The following SCGB2B2 variants were observed in gnomAD, a reference collection of about 807,000 sequenced individuals.
SCGB2B2 encodes secretoglobin family 2B member 2, also known as secretoglobin-like protein.
In SCGB2B2, 11 loss-of-function variants were observed where a neutral mutation model predicts 7.6. That is an observed-to-expected ratio of 1.45 (90% CI 0.91 to 2.40). SCGB2B2 has a LOEUF of 2.40. Ranked by LOEUF, SCGB2B2 falls within the 30% of genes most tolerant of loss-of-function variation. The pLI, the probability that SCGB2B2 is intolerant of heterozygous loss-of-function variation, is 0.00. For synonymous variants in SCGB2B2, 50 were observed against 48.6 expected (o/e 1.03, Z -0.12); for missense variants, 104 against 115.4 (o/e 0.90, Z 0.45).
chr19:34,637,833 TTGAC>T (rs1568437522), intron 1 of SCGB2B2: 3 of 152,180 alleles, frequency 2.0e-5, no homozygotes, highest in Non-Finnish European at 4.4e-5. Flanking sequence ...TATTTAAAAA[TTGAC>T]AGATGGATTT....
rs1600034180 is a variant in SCGB2B2, at chr19:34,595,669, T to C, written c.-1106A>G. 6.6e-6 allele frequency: 1 copy of C among 152,264 alleles called. No individual in the cohort carries two copies. The highest frequency in any genetic ancestry group is 1.5e-5 in the Non-Finnish European group (1 of 68,064). 9.4% of individuals were successfully genotyped at this position (152,264 alleles called of 1,614,324 possible). ...TGTGGCTTTCCACAACTTATTCCCG[T>C]ATTTTTATGGCCAGTTTATACAGGC... On this transcript the variant is annotated 5_prime_UTR_variant, in exon 2 of 4. The change creates a new upstream start codon in the 5' untranslated region. Coordinates refer to ENST00000601241, the MANE Select transcript of SCGB2B2 (RefSeq NM_001025591.4).
At chr19:34,645,187 A>G (rs538468046) in intron 1 of SCGB2B2, among the ~76,000 whole-genome samples, 75 of 152,290 alleles carry the variant, frequency 4.9e-4, no homozygotes, top group African/African-American at 1.7e-3. Flanking sequence ...CTCACTTAGC[A>G]AATGTTTGTT....
intron 1 of SCGB2B2, among the ~76,000 whole-genome samples, chr19:34,653,598 C>T (rs1042907523): frequency 1.3e-5 from 2 of 151,174 alleles, no homozygotes; most frequent in African/African-American, 4.9e-5. Flanking sequence ...AAGTTCAACA[C>T]ACATTAACAG....
chr19:34,631,106 G>A (rs2066518669), intron 1 of SCGB2B2, among the ~76,000 whole-genome samples: 2 of 118,858 alleles, frequency 1.7e-5, no homozygotes, highest in African/African-American at 6.4e-5. Context: ...ACACACCGGG[G>A]CCTGTTGTGG....
rs981790780 is a variant in SCGB2B2, at chr19:34,630,653, T to C, written c.-2031-34059A>G. ...GGATGTGGAGAAATAGGAACACTTT[T>C]ACACTGTTGGTGGGACTGTAAACTA... On this transcript the variant is annotated intron_variant, in intron 1 of 3. Coordinates refer to ENST00000601241, the MANE Select transcript of SCGB2B2 (RefSeq NM_001025591.4). 1.5e-3 allele frequency among the ~76,000 whole-genome samples: 231 copies of C among 149,658 alleles called. 6 individuals are homozygous for C. Among genetic ancestry groups the C allele is most frequent in the Non-Finnish European group, 2.7e-3 (176 of 66,376 alleles).
intron 1 of SCGB2B2, among the ~76,000 whole-genome samples, chr19:34,609,456 C>T (rs1304327971): frequency 6.6e-6 from 1 of 151,918 alleles, no homozygotes; most frequent in African/African-American, 2.4e-5. Context: ...AGTTTCTGCT[C>T]TAAGTCTTTA....
At chr19:34,608,529 C>T (rs978384181) in intron 1 of SCGB2B2, among the ~76,000 whole-genome samples, 33 of 151,228 alleles carry the variant, frequency 2.2e-4, no homozygotes, top group African/African-American at 7.5e-4. Flanking sequence ...TTAGCTTCGG[C>T]AGATGAGTGA....
chr19:34,596,680 T>C (rs530559693), intron 1 of SCGB2B2, 86 bp from the exon 2 acceptor site: 1 of 152,294 alleles, frequency 6.6e-6, no homozygotes, highest in East Asian at 2.0e-4. Context: ...CTTTACACCA[T>C]TTGGGGACCC....
chr19:34,638,211 GC>G (rs2145988037), intron 1 of SCGB2B2: 1 of 152,354 alleles, frequency 6.6e-6, no homozygotes, highest in South Asian at 2.1e-4. Flanking sequence ...ACTTTTGGAA[GC>G]TGAGGTGGGC....
At chr19:34,644,132 C>T (rs190667951) in intron 1 of SCGB2B2, among the ~76,000 whole-genome samples, 146 of 152,228 alleles carry the variant, frequency 9.6e-4, no homozygotes, top group African/African-American at 3.2e-3. Flanking sequence ...ACGTGGCATA[C>T]GAGCAGACAG....
intron 1 of SCGB2B2, among the ~76,000 whole-genome samples, chr19:34,657,946 T>G (rs1247141659): frequency 1.3e-5 from 2 of 152,160 alleles, no homozygotes; most frequent in East Asian, 3.8e-4. Context: ...AGAAACTCAC[T>G]CAAAACTGCA....
chr19:34,645,749 A>T (rs2066993288), intron 1 of SCGB2B2: 3 of 364,418 alleles, frequency 8.2e-6, no homozygotes, highest in Non-Finnish European at 1.7e-5. Context: ...CAGGGCTGAG[A>T]GGAAACAGGT....
In SCGB2B2 at chr19:34,591,532, A is replaced by T. The variant is rs2065297803; in HGVS notation, c.*2023T>A. Among the ~76,000 whole-genome samples the T allele has an allele frequency of 6.6e-6, 1 of 152,108 alleles. No homozygotes were observed. The highest frequency in any genetic ancestry group is 2.1e-4 in the South Asian group (1 of 4,822). On this transcript the variant is annotated 3_prime_UTR_variant, in exon 4 of 4. Coordinates refer to ENST00000601241, the MANE Select transcript of SCGB2B2 (RefSeq NM_001025591.4). ...TCCAACAGGGAAAGTGTGACCTCGT[A>T]AGTCCTGCTCATCCCCTCCCAGGAT...
chr19:34,657,060 T>TA (rs1405639530), intron 1 of SCGB2B2, among the ~76,000 whole-genome samples: 1 of 151,272 alleles, frequency 6.6e-6, no homozygotes, highest in Non-Finnish European at 1.5e-5. Flanking sequence ...GAGAATATAT[T>TA]AAAGAGTTTT....
At chr19:34,630,099 A>T (rs1468918585) in intron 1 of SCGB2B2, among the ~76,000 whole-genome samples, 6 of 151,832 alleles carry the variant, frequency 4.0e-5, no homozygotes, top group Non-Finnish European at 8.8e-5. Context: ...TTACACCTTA[A>T]ACAAAAATTA....
At chr19:34,601,913 C>T (rs937112489) in intron 1 of SCGB2B2, among the ~76,000 whole-genome samples, 5 of 151,954 alleles carry the variant, frequency 3.3e-5, no homozygotes, top group African/African-American at 9.7e-5. Context: ...GTGTTTTGTT[C>T]TTGACAGCTT....
At chr19:34,589,284 G>A (rs2065246672), downstream of SCGB2B2, among the ~76,000 whole-genome samples, 1 of 152,096 alleles carries the variant, frequency 6.6e-6, no homozygotes, top group African/African-American at 2.4e-5. Context: ...GAGGTGTGGG[G>A]AGCACTGGTC....
intron 1 of SCGB2B2, among the ~76,000 whole-genome samples, chr19:34,647,318 G>T (rs1232460725): frequency 1.3e-5 from 2 of 152,114 alleles, no homozygotes; most frequent in African/African-American, 2.4e-5. Context: ...CATTGACAAG[G>T]CTCCACCAAC....
chr19:34,606,261 A>AC (rs2065775670), intron 1 of SCGB2B2, among the ~76,000 whole-genome samples: 1 of 152,050 alleles, frequency 6.6e-6, no homozygotes, highest in Non-Finnish European at 1.5e-5. Flanking sequence ...TGACCACCAT[A>AC]CTCAAGGTAC....
Sources: allele counts gnomAD v4.1 joint callset (sites outside exome capture counted in the v4.1 genomes callset), GRCh38; gene constraint gnomAD v4.1.1; transcripts MANE v1.5; gene names NCBI Gene and HGNC (gene_info 2026-07-23, HGNC 2026-07-21).